Variants in SV2C observed in about 807,000 individuals in gnomAD.
SV2C encodes the protein synaptic vesicle glycoprotein 2C, also known as solute carrier family 22 member B3.
A neutral mutation model predicts 79.7 loss-of-function variants in SV2C; 49 were observed. The ratio of observed to expected loss-of-function variants is 0.61; its 90% CI spans 0.49 to 0.78. The LOEUF is 0.78. SV2C is among the 30% of genes least tolerant of loss of function. The pLI, the probability that SV2C is intolerant of heterozygous loss-of-function variation, is 0.00. For missense variants in SV2C, 833 were observed against 912.9 expected (o/e 0.91, Z 1.13); for synonymous variants, 334 against 333.2 (o/e 1.00, Z -0.03).
chr5:75,970,541 A>G, the SV2C span, among the ~76,000 whole-genome samples: 4 of 152,092 alleles, frequency 2.6e-5, no homozygotes, highest in Admixed American at 6.5e-5. Context: ...GAATACTATA[A>G]ACACCTCTAT....
chr5:76,036,501 T>C, the SV2C span, among the ~76,000 whole-genome samples: 767 of 152,140 alleles, frequency 5.0e-3, 4 homozygotes, highest in African/African-American at 0.017. Context: ...CCTTCACTTA[T>C]GAAGCTTAGT....
intron 4 of SV2C, among the ~76,000 whole-genome samples, chr5:76,252,989 A>G (rs1395158873): frequency 1.3e-5 from 2 of 152,262 alleles, no homozygotes; most frequent in African/African-American, 4.8e-5. Flanking sequence ...ATTGTGTAAT[A>G]CATATTGTTA....
At chr5:75,994,650 A>C in the SV2C span, among the ~76,000 whole-genome samples, 1 of 152,144 alleles carries the variant, frequency 6.6e-6, no homozygotes, top group Non-Finnish European at 1.5e-5. Context: ...AGAATGGATT[A>C]AAACTCCTAT....
intron 4 of SV2C, among the ~76,000 whole-genome samples, chr5:76,242,879 A>T (rs537923949): frequency 4.0e-5 from 6 of 151,720 alleles, no homozygotes; most frequent in Non-Finnish European, 7.4e-5. Context: ...CAAAAAATTT[A>T]AAAAATTAGT....
At chr5:76,075,217 G>A in the SV2C span, among the ~76,000 whole-genome samples, 2 of 152,090 alleles carry the variant, frequency 1.3e-5, no homozygotes, top group African/African-American at 4.8e-5. Flanking sequence ...TCACATTCAA[G>A]CAAATAATGT....
the SV2C span, among the ~76,000 whole-genome samples, chr5:75,971,858 A>T: frequency 6.6e-6 from 1 of 151,982 alleles, no homozygotes; most frequent in Admixed American, 6.5e-5. Context: ...AAAAGAGCCC[A>T]CATTGCCAAG....
chr5:75,874,795 A>G, the SV2C span, among the ~76,000 whole-genome samples: 2 of 152,124 alleles, frequency 1.3e-5, no homozygotes, highest in Non-Finnish European at 2.9e-5. Context: ...CAGAAAGGCA[A>G]TCCCATTCAC....
At chr5:76,068,321 T>C in the SV2C span, among the ~76,000 whole-genome samples, 1 of 152,214 alleles carries the variant, frequency 6.6e-6, no homozygotes, top group Non-Finnish European at 1.5e-5. Context: ...AATTTTCTTA[T>C]GTGATCATAT....
At chr5:75,935,979 T>A in the SV2C span, among the ~76,000 whole-genome samples, 1 of 152,228 alleles carries the variant, frequency 6.6e-6, no homozygotes, top group Non-Finnish European at 1.5e-5. Flanking sequence ...AGATGTCTAC[T>A]TTAAGCTCTA....
chr5:76,158,405 A>G (rs928531623), intron 2 of SV2C, among the ~76,000 whole-genome samples: 3 of 151,856 alleles, frequency 2.0e-5, no homozygotes, highest in Admixed American at 1.3e-4. Flanking sequence ...GGCTATGTTA[A>G]TATCAGACAA....
chr5:76,285,656 G>A lies in SV2C; in HGVS notation c.1048-125G>A, dbSNP rs982924876. 2.0e-5 allele frequency: 15 copies of A among 733,320 alleles called. No homozygotes were observed. The African/African-American group carries it at 2.4e-4, about 12-fold the overall frequency. 45.4% of individuals were successfully genotyped at this position (733,320 alleles called of 1,614,324 possible). A position where few individuals can be genotyped will look rare whatever the true frequency, so the allele number is the denominator to read the frequency against. Reference sequence around the variant, plus strand: ...CCAAATAGTCTGTATGTTCCAATGGGATGTACTGAGATACATTTGCACAAT... The same window carrying A: ...CCAAATAGTCTGTATGTTCCAATGGAATGTACTGAGATACATTTGCACAAT... On this transcript the variant is annotated intron_variant, in intron 5 of 12. Coordinates refer to ENST00000502798, the MANE Select transcript of SV2C (RefSeq NM_014979.4).
the SV2C span, among the ~76,000 whole-genome samples, chr5:75,949,124 T>C: frequency 8.6e-5 from 13 of 151,980 alleles, no homozygotes; most frequent in South Asian, 1.7e-3. Flanking sequence ...TGCTCCTGCT[T>C]TAGTCATGTG....
chr5:75,872,176 A>G, the SV2C span, among the ~76,000 whole-genome samples: 8 of 150,448 alleles, frequency 5.3e-5, no homozygotes, highest in Non-Finnish European at 1.2e-4. Context: ...AAAACACCAC[A>G]TAACTTGGAA....
the SV2C span, among the ~76,000 whole-genome samples, chr5:75,986,267 T>C: frequency 6.6e-6 from 1 of 151,808 alleles, no homozygotes; most frequent in South Asian, 2.1e-4. Context: ...TTACCCAAAT[T>C]GGTCCAGTGG....
chr5:75,958,473 T>G, the SV2C span, among the ~76,000 whole-genome samples: 1 of 151,990 alleles, frequency 6.6e-6, no homozygotes, highest in Non-Finnish European at 1.5e-5. Flanking sequence ...TTTTTCCTGA[T>G]TCCTTCTGTT....
chr5:75,967,462 C>G, the SV2C span, among the ~76,000 whole-genome samples: 1 of 152,176 alleles, frequency 6.6e-6, no homozygotes, highest in African/African-American at 2.4e-5. Context: ...AAAATCGGGT[C>G]ACTCTCACCC....
chr5:75,971,759 A>T, the SV2C span, among the ~76,000 whole-genome samples: 1 of 152,048 alleles, frequency 6.6e-6, no homozygotes, highest in African/African-American at 2.4e-5. Flanking sequence ...CCCAAGGTAA[A>T]TTATAGGTTC....
downstream of SV2C, among the ~76,000 whole-genome samples, chr5:76,338,751 G>A (rs2079347025): frequency 6.6e-6 from 1 of 151,046 alleles, no homozygotes; most frequent in East Asian, 1.9e-4. Context: ...TCCACCTCCT[G>A]GGTTCAAGCG....
chr5:76,279,189 AT>A (rs1254368198), intron 4 of SV2C, among the ~76,000 whole-genome samples: 6 of 152,216 alleles, frequency 3.9e-5, no homozygotes, highest in African/African-American at 1.4e-4. Context: ...CCAAAATTCC[AT>A]TTTAGACATG....
Sources: allele counts gnomAD v4.1 joint callset (sites outside exome capture counted in the v4.1 genomes callset), GRCh38; gene constraint gnomAD v4.1.1; transcripts MANE v1.5; gene names NCBI Gene and HGNC (gene_info 2026-07-23, HGNC 2026-07-21).